Variants in PRDM5 observed in about 807,000 individuals in gnomAD.
PRDM5 encodes the protein PR domain zinc finger protein 5.
PRDM5 carries 56 observed loss-of-function variants against 81.2 expected under a neutral mutation model. The ratio of observed to expected loss-of-function variants is 0.69; its 90% CI spans 0.56 to 0.86. The LOEUF is 0.86. PRDM5 is among the 40% of genes least tolerant of loss of function. The pLI, the probability that PRDM5 is intolerant of heterozygous loss-of-function variation, is 0.00. For synonymous variants in PRDM5, 267 were observed against 256.4 expected (o/e 1.04, Z -0.39); for missense variants, 697 against 770.1 (o/e 0.91, Z 1.12).
rs550782373 is a variant in PRDM5, at chr4:120,882,831, C to T, written c.177+24643G>A. ...TCAGTGATAGATATAATTTTCAAAA[C>T]AACGTACGTGCCTCATACACACCCT... On this transcript the variant is annotated intron_variant, in intron 2 of 15. Transcript: ENST00000264808. Among the ~76,000 whole-genome samples the T allele has an allele frequency of 2.5e-3, 378 of 152,288 alleles. 2 individuals are homozygous for T. The highest frequency in any genetic ancestry group is 8.5e-3 in the African/African-American group (354 of 41,564).
chr4:120,915,844 G>C (rs1215972117), intron 1 of PRDM5, among the ~76,000 whole-genome samples: 1 of 152,110 alleles, frequency 6.6e-6, no homozygotes, highest in Non-Finnish European at 1.5e-5. Context: ...CAGTGCCCAG[G>C]CAGAGAAACC....
At chr4:120,755,663 C>T (rs1339252394) in intron 13 of PRDM5, among the ~76,000 whole-genome samples, 2 of 152,120 alleles carry the variant, frequency 1.3e-5, no homozygotes, top group African/African-American at 4.8e-5. Flanking sequence ...GTTGCTTGAT[C>T]CAGTGACTAC....
chr4:120,863,368 A>G (rs909536504), intron 2 of PRDM5, among the ~76,000 whole-genome samples: 3 of 151,940 alleles, frequency 2.0e-5, no homozygotes, highest in East Asian at 3.9e-4. Flanking sequence ...ACGTACTGTA[A>G]TAAACCTTAG....
At chr4:120,855,428 A>G (rs771703279) in intron 2 of PRDM5, among the ~76,000 whole-genome samples, 10 of 152,216 alleles carry the variant, frequency 6.6e-5, no homozygotes, top group Admixed American at 6.5e-4. Flanking sequence ...ACTCTCACTG[A>G]AAAGATCTGC....
At chr4:120,750,665 G>C (rs1743852447) in intron 14 of PRDM5, among the ~76,000 whole-genome samples, 1 of 147,982 alleles carries the variant, frequency 6.8e-6, no homozygotes, top group African/African-American at 2.5e-5. Context: ...TAGTCTCCTA[G>C]ACTTAGAGAC....
intron 8 of PRDM5, among the ~76,000 whole-genome samples, chr4:120,804,432 T>C (rs1337052911): frequency 1.3e-5 from 2 of 152,336 alleles, no homozygotes; most frequent in South Asian, 2.1e-4. Context: ...TATTCCAAAA[T>C]TGACCACATA....
chr4:120,802,934 A>G (rs1578794862), intron 8 of PRDM5, among the ~76,000 whole-genome samples: 1 of 152,334 alleles, frequency 6.6e-6, no homozygotes, highest in African/African-American at 2.4e-5. Flanking sequence ...GTTCAAACCC[A>G]TCGCAGAGAA....
chr4:120,788,528 C>T (rs1404782464), intron 10 of PRDM5, among the ~76,000 whole-genome samples: 1 of 152,132 alleles, frequency 6.6e-6, no homozygotes, highest in African/African-American at 2.4e-5. Flanking sequence ...AAGGTAGAAA[C>T]TATTTTGTTT....
chr4:120,711,529 C>G (rs1046070476), intron 14 of PRDM5, among the ~76,000 whole-genome samples: 6 of 150,276 alleles, frequency 4.0e-5, no homozygotes, highest in African/African-American at 1.2e-4. Flanking sequence ...AGGCTGGTCT[C>G]AAACTCCTGA....
chr4:120,775,829 T>C (rs1748069745), intron 13 of PRDM5, among the ~76,000 whole-genome samples: 1 of 152,146 alleles, frequency 6.6e-6, no homozygotes, highest in African/African-American at 2.4e-5. Flanking sequence ...CCTAACTCCA[T>C]ACAGCCACAA....
chr4:120,821,758 C>G (rs542004296), intron 3 of PRDM5, among the ~76,000 whole-genome samples: 17 of 147,828 alleles, frequency 1.1e-4, no homozygotes, highest in South Asian at 8.5e-4. Flanking sequence ...AAAAAAAAAG[C>G]CTTTCAAGTT....
intron 2 of PRDM5, among the ~76,000 whole-genome samples, chr4:120,877,703 G>A (rs556096274): frequency 1.3e-5 from 2 of 152,186 alleles, no homozygotes; most frequent in African/African-American, 4.8e-5. Context: ...TTCTTGGGAG[G>A]CTGAGGCAGC....
chr4:120,884,366 T>C (rs540014039), intron 2 of PRDM5, among the ~76,000 whole-genome samples: 11 of 152,214 alleles, frequency 7.2e-5, no homozygotes, highest in African/African-American at 2.7e-4. Flanking sequence ...TTTTCCTACC[T>C]TCATTTACAC....
intron 2 of PRDM5, among the ~76,000 whole-genome samples, chr4:120,901,042 T>C (rs1353884133): frequency 2.6e-5 from 4 of 152,230 alleles, no homozygotes; most frequent in Non-Finnish European, 5.9e-5. Context: ...AAACGAGTGA[T>C]AGATTATGTA....
intron 2 of PRDM5, among the ~76,000 whole-genome samples, chr4:120,868,897 C>A (rs1421276252): frequency 2.0e-5 from 3 of 152,098 alleles, no homozygotes; most frequent in African/African-American, 7.2e-5. Context: ...ATATTATATT[C>A]TTTTCCATGT....
intron 15 of PRDM5, among the ~76,000 whole-genome samples, chr4:120,697,319 A>C (rs977879584): frequency 1.5e-4 from 23 of 152,168 alleles, no homozygotes; most frequent in Admixed American, 7.9e-4. Flanking sequence ...ACAGAGAGAG[A>C]GCAAGCCTTT....
At position 120,838,940 on chromosome 4, in the gene PRDM5, C is replaced by T. The variant is rs565343372; in HGVS notation, c.300+14478G>A. The T allele has an allele frequency of 9.6e-4, 454 of 472,894 alleles. 1 individual carries two copies. Among genetic ancestry groups the T allele is most frequent in the Non-Finnish European group, 1.5e-3 (392 of 259,792 alleles). The allele number at this position is 472,894 out of a possible 1,614,324, so 29.3% of individuals were successfully genotyped here. On this transcript the variant is annotated intron_variant, in intron 3 of 15. Coordinates refer to ENST00000264808, the MANE Select transcript of PRDM5 (RefSeq NM_018699.4). The stretch of plus-strand genomic sequence containing the variant: ...CTGGCCAATGCACAGTCAGATATGC[C>T]GGCTGCTGCAGAAGGGTGGGCAGCT...
rs578259730 is a variant in PRDM5 at position 120,863,998 on chromosome 4, C to T, written c.178-10458G>A. Among the ~76,000 whole-genome samples the T allele has an allele frequency of 5.3e-5, 8 of 152,258 alleles. No homozygotes were observed. In the South Asian group the frequency reaches 1.7e-3, roughly 32 times the overall value. ...ACTGTATGAATTAGGATATTCTATC[C>T]TCCAACTAACAGAAATTTCAATGGC... is the stretch of plus-strand genomic sequence containing the variant. On this transcript the variant is annotated intron_variant, in intron 2 of 15. Transcript: ENST00000264808.
intron 1 of PRDM5, among the ~76,000 whole-genome samples, chr4:120,911,402 C>T (rs1263084226): frequency 6.6e-6 from 1 of 152,222 alleles, no homozygotes; most frequent in Non-Finnish European, 1.5e-5. Flanking sequence ...GAGTCAAACT[C>T]ACTTCTCAGA....
Sources: allele counts gnomAD v4.1 joint callset (sites outside exome capture counted in the v4.1 genomes callset), GRCh38; gene constraint gnomAD v4.1.1; transcripts MANE v1.5; gene names NCBI Gene and HGNC (gene_info 2026-07-23, HGNC 2026-07-21).